Variants in MAPKBP1 observed in about 807,000 individuals in gnomAD.
MAPKBP1 encodes mitogen-activated protein kinase-binding protein 1.
A neutral mutation model predicts 170.5 loss-of-function variants in MAPKBP1; 71 were observed. The ratio of observed to expected loss-of-function variants is 0.42; its 90% CI spans 0.34 to 0.51. MAPKBP1 has a LOEUF of 0.51. Among genes scored for constraint, MAPKBP1 ranks in the 20% least tolerant of loss-of-function variants. MAPKBP1 has a pLI of 0.06. For missense variants in MAPKBP1, 1,598 were observed against 1,933.0 expected (o/e 0.83, Z 3.25); for synonymous variants, 719 against 757.9 (o/e 0.95, Z 0.84).
chr15:41,781,999 A>G (rs1449356779), intron 2 of MAPKBP1, among the ~76,000 whole-genome samples: 1 of 151,462 alleles, frequency 6.6e-6, no homozygotes, highest in Non-Finnish European at 1.5e-5. Flanking sequence ...CTGTAATCCT[A>G]GCATTTTGGG....
At chr15:41,782,927 ACTC>A (rs1157778047) in intron 2 of MAPKBP1, among the ~76,000 whole-genome samples, 2 of 151,888 alleles carry the variant, frequency 1.3e-5, no homozygotes, top group Admixed American at 1.3e-4. Context: ...CTATATCCTT[ACTC>A]CTCTTCCCAC....
chr15:41,821,429 G>C, intron 23 of MAPKBP1, 155 bp from the exon 24 acceptor site: 1 of 696,200 alleles, frequency 1.4e-6, no homozygotes, highest in Non-Finnish European at 2.4e-6. Context: ...CTGTCCTTCA[G>C]CTTCCCCTTG....
At chr15:41,824,186 C>A in intron 29 of MAPKBP1, 125 bp downstream of exon 29, 1 of 1,331,764 alleles carries the variant, frequency 7.5e-7, no homozygotes, top group South Asian at 1.4e-5. Context: ...CTGTCTGCTC[C>A]TGTCGCAGGT....
Position 41,827,405 on chromosome 15 carries a change from C to A in MAPKBP1, c.*1969C>A, listed in dbSNP as rs4923914. 1 of 152,040 alleles carries A rather than the reference C, an allele frequency of 6.6e-6. No individual in the cohort carries two copies. 9.4% of individuals were successfully genotyped at this position (152,040 alleles called of 1,614,324 possible). On this transcript the variant is annotated 3_prime_UTR_variant, in exon 31 of 31. Transcript: ENST00000457542. ...TGGCCCTTCCCCACTCCTCTAGCAT[C>A]GCCACCCGCATGGCCCTGGAACTCC...
chr15:41,803,383 C>A (rs1049963980), intron 3 of MAPKBP1, among the ~76,000 whole-genome samples: 1 of 125,674 alleles, frequency 8.0e-6, no homozygotes. Context: ...CACTGCACTC[C>A]AGCCTGAGCG....
intron 2 of MAPKBP1, among the ~76,000 whole-genome samples, chr15:41,796,281 G>T (rs576148304): frequency 6.6e-6 from 1 of 152,332 alleles, no homozygotes; most frequent in Admixed American, 6.5e-5. Context: ...GGGTGTGTTT[G>T]CAGGGGATGT....
At chr15:41,780,599 G>A (rs1475275431) in intron 2 of MAPKBP1, among the ~76,000 whole-genome samples, 1 of 152,176 alleles carries the variant, frequency 6.6e-6, no homozygotes, top group Non-Finnish European at 1.5e-5. Context: ...TCCAGGCTAA[G>A]CGTCTCCTCT....
At chr15:41,821,831 C>A (rs942097857) in intron 24 of MAPKBP1, 81 bp downstream of exon 24, 6 of 1,588,338 alleles carry the variant, frequency 3.8e-6, no homozygotes, top group Admixed American at 1.7e-5. Flanking sequence ...GAGGGTTGGC[C>A]CCCAGGATAC....
rs372732597 is a variant in MAPKBP1 at position 41,820,980 on chromosome 15, A to G, written c.2630A>G (p.Gln877Arg). 2.8e-5 allele frequency: 46 copies of G among 1,614,102 alleles called. No individual in the cohort carries two copies. The highest frequency in any genetic ancestry group is 3.7e-5 in the Non-Finnish European group (44 of 1,180,052). The change falls in exon 23 of 31, where the codon CAG (glutamine) becomes CGG (arginine). Residue 877 changes from glutamine (Q) to arginine (R), a missense_variant. Physicochemically the swap from Gln to Arg is conservative, Grantham distance 43. Transcript: ENST00000457542. ...RQLETLAPSL[Q>R]DPSQDSLAII... ...CTGGAAACACTGGCCCCAAGCCTGC[A>G]GGACCCTAGCCAGGACTCGCTGGCC...
At chr15:41,801,416 C>T (rs957461183) in intron 3 of MAPKBP1, among the ~76,000 whole-genome samples, 13 of 152,150 alleles carry the variant, frequency 8.5e-5, no homozygotes, top group Admixed American at 2.6e-4. Context: ...AAATGAGTAG[C>T]GCTACTGCTG....
chr15:41,795,285 G>A (rs2064468891), intron 2 of MAPKBP1, among the ~76,000 whole-genome samples: 1 of 152,062 alleles, frequency 6.6e-6, no homozygotes. Flanking sequence ...TTTGAGCAAA[G>A]ACTTCAGGAA....
At chr15:41,780,877 T>A (rs1217597156) in intron 2 of MAPKBP1, among the ~76,000 whole-genome samples, 1 of 152,116 alleles carries the variant, frequency 6.6e-6, no homozygotes, top group Admixed American at 6.5e-5. Context: ...TTCCAAATCC[T>A]TCCTTCCTTC....
rs754624095 is a variant in MAPKBP1, at chr15:41,811,255, G to A, written c.327+20G>A. 1 of 1,614,126 alleles carries A rather than the reference G, an allele frequency of 6.2e-7. No homozygotes were observed. The highest frequency in any genetic ancestry group is 8.5e-7 in the Non-Finnish European group (1 of 1,179,932). ...GGAGAGGTGAGTGAGGAAGAGGGCT[G>A]GCAGTACTGTAAAGAGGGCAGGTGT... On this transcript the variant is annotated intron_variant, in intron 5 of 30. Transcript: ENST00000457542.
At chr15:41,801,137 T>C (rs2064585860) in intron 3 of MAPKBP1, among the ~76,000 whole-genome samples, 1 of 152,252 alleles carries the variant, frequency 6.6e-6, no homozygotes, top group Non-Finnish European at 1.5e-5. Context: ...GCACATTTTA[T>C]CTATTCTTCA....
Position 41,822,639 on chromosome 15 carries a change from T to C in MAPKBP1, c.3276T>C (p.Ser1092=), listed in dbSNP as rs2065019097. The C allele has an allele frequency of 2.5e-6, 4 of 1,614,104 alleles. No homozygotes were observed. Among genetic ancestry groups the C allele is most frequent in the African/African-American group, 1.3e-5 (1 of 75,026 alleles). ...VPERSESRSI[S]SRFLLQVQTR... is the part of the protein sequence containing the mutation. Reference sequence around the variant, plus strand: ...AGAGGTCAGAGTCTCGGAGTATCTCTTCACGATTCCTGTTGCAAGTACAGA... The same window carrying C: ...AGAGGTCAGAGTCTCGGAGTATCTCCTCACGATTCCTGTTGCAAGTACAGA... Residue 1092 remains serine, a synonymous_variant, in exon 27 of 31, where the codon TCT becomes TCC. Transcript: ENST00000457542.
chr15:41,808,667 G>T (rs902482684), intron 3 of MAPKBP1, among the ~76,000 whole-genome samples: 1 of 150,992 alleles, frequency 6.6e-6, no homozygotes, highest in African/African-American at 2.4e-5. Flanking sequence ...GTAGAGATGG[G>T]GTTTTACCAT....
chr15:41,817,636 C>G lies in MAPKBP1; in HGVS notation c.1805C>G (p.Thr602Arg), dbSNP rs1352333864. Residue 602 changes from threonine to arginine, a missense_variant, in exon 16 of 31, where the codon ACA (threonine) becomes AGA (arginine). Thr to Arg is a moderately conservative substitution (Grantham distance 71). Around this residue, in one of 6 missense-constraint regions of MAPKBP1, gnomAD observed 430 missense variants for 617.2 expected, o/e 0.70. Transcript: ENST00000457542. This position sits in a 1 kb window ranked among gnomAD's most constrained non-coding sequence, Gnocchi z 4.2. The stretch of plus-strand genomic sequence containing the variant: ...CAGTCTGGAGATGGAGTGCAGTTCA[C>G]ACGGACACACCACGTGGTGCGGAAG... ...AQKSGDGVQF[T>R]RTHHVVRKTT... The G allele has an allele frequency of 6.2e-7, 1 of 1,614,186 alleles. No homozygotes were observed. Among genetic ancestry groups the G allele is most frequent in the East Asian group, 2.2e-5 (1 of 44,888 alleles).
chr15:41,824,593 A>G (rs753425736), intron 30 of MAPKBP1, 24 bp downstream of exon 30: 2 of 1,570,402 alleles, frequency 1.3e-6, no homozygotes. Context: ...GCCCCCCGGC[A>G]GGAAGGCGGG....
At chr15:41,786,110 A>G (rs2064282159) in intron 2 of MAPKBP1, among the ~76,000 whole-genome samples, 1 of 152,198 alleles carries the variant, frequency 6.6e-6, no homozygotes, top group South Asian at 2.1e-4. Context: ...AATGGGGGAA[A>G]AAAGCAAATT....
Sources: allele counts gnomAD v4.1 joint callset (sites outside exome capture counted in the v4.1 genomes callset), GRCh38; gene constraint gnomAD v4.1.1; regional missense constraint gnomAD v4.1.1; non-coding constraint Gnocchi (gnomAD v3.1); transcripts MANE v1.5; gene names NCBI Gene and HGNC (gene_info 2026-07-23, HGNC 2026-07-21).